IPCEF1: variants seen among roughly 807,000 people sequenced by gnomAD.
IPCEF1 encodes interactor protein for cytohesin exchange factors 1.
Under a neutral mutation model 50.9 loss-of-function variants are expected in IPCEF1, and 31 were observed. The ratio of observed to expected loss-of-function variants is 0.61; its 90% confidence interval spans 0.46 to 0.82. The LOEUF (loss-of-function observed/expected upper bound fraction) is 0.82, where lower values mean the gene tolerates loss of function less well. Among genes scored for constraint, IPCEF1 ranks in the 40% least tolerant of loss-of-function variants. The pLI, the probability that IPCEF1 is intolerant of heterozygous loss-of-function variation, is 0.00. For missense variants in IPCEF1, 458 were observed against 514.0 expected (o/e 0.89, Z 1.05); for synonymous variants, 181 against 192.0 (o/e 0.94, Z 0.47).
chr6:154,266,190 C>T (rs1208799532), intron 2 of IPCEF1, among the ~76,000 whole-genome samples: 1 of 151,914 alleles, frequency 6.6e-6, no homozygotes, highest in Non-Finnish European at 1.5e-5. Context: ...AGTTCAAGAC[C>T]AGCCTGAACA....
chr6:154,322,237 C>T (rs1302511538), intron 1 of IPCEF1, among the ~76,000 whole-genome samples: 1 of 152,184 alleles, frequency 6.6e-6, no homozygotes, highest in Non-Finnish European at 1.5e-5. Context: ...CACCTACAGG[C>T]TGGGCAAGGT....
At chr6:154,305,719 C>A (rs1030398874) in intron 1 of IPCEF1, among the ~76,000 whole-genome samples, 8 of 152,170 alleles carry the variant, frequency 5.3e-5, no homozygotes, top group African/African-American at 1.9e-4. Flanking sequence ...TGGGCACCAT[C>A]CAATCAGCTG....
chr6:154,172,563 G>A (rs1799962140), intron 10 of IPCEF1, among the ~76,000 whole-genome samples: 1 of 152,204 alleles, frequency 6.6e-6, no homozygotes, highest in Non-Finnish European at 1.5e-5. Context: ...AGATTGTCCT[G>A]GGATGCTGGA....
intron 2 of IPCEF1, among the ~76,000 whole-genome samples, chr6:154,281,176 C>T (rs1033117943): frequency 1.0e-4 from 9 of 88,020 alleles, no homozygotes; most frequent in African/African-American, 4.0e-4. Flanking sequence ...CCCGTTCCTA[C>T]TAAAATACAA....
intron 9 of IPCEF1, among the ~76,000 whole-genome samples, chr6:154,203,786 G>C (rs1489204544): frequency 6.6e-6 from 1 of 152,054 alleles, no homozygotes; most frequent in Non-Finnish European, 1.5e-5. Flanking sequence ...ACACATAATT[G>C]GTGACAAATT....
chr6:154,280,295 G>A (rs1260392882), intron 2 of IPCEF1, among the ~76,000 whole-genome samples: 1 of 152,186 alleles, frequency 6.6e-6, no homozygotes, highest in Non-Finnish European at 1.5e-5. Flanking sequence ...GCTGGGCATG[G>A]TATCTCATGC....
At chr6:154,222,617 G>A (rs547922715) in intron 6 of IPCEF1, among the ~76,000 whole-genome samples, 3 of 152,298 alleles carry the variant, frequency 2.0e-5, no homozygotes, top group East Asian at 3.9e-4. Flanking sequence ...TCTTTGGGCT[G>A]TTTCCTTCTC....
At chr6:154,343,929 C>T (rs149031294) in intron 1 of IPCEF1, among the ~76,000 whole-genome samples, 3 of 152,156 alleles carry the variant, frequency 2.0e-5, no homozygotes, top group Non-Finnish European at 4.4e-5. Flanking sequence ...CATGGCCGAC[C>T]TCACATATCC....
chr6:154,201,158 C>G (rs528031351), intron 9 of IPCEF1, among the ~76,000 whole-genome samples: 1 of 152,318 alleles, frequency 6.6e-6, no homozygotes, highest in Non-Finnish European at 1.5e-5. Context: ...CCATGTGGAA[C>G]TGTGAGTCAA....
chr6:154,239,552 G>A (rs1428247144), intron 5 of IPCEF1, among the ~76,000 whole-genome samples: 3 of 152,136 alleles, frequency 2.0e-5, no homozygotes, highest in Non-Finnish European at 4.4e-5. Context: ...CGGTAAACCG[G>A]TCACCTACAG....
At chr6:154,277,463 C>T (rs1782090880) in intron 2 of IPCEF1, among the ~76,000 whole-genome samples, 2 of 152,146 alleles carry the variant, frequency 1.3e-5, no homozygotes, top group Admixed American at 6.5e-5. Context: ...GGAAGAACAC[C>T]TAAGTACAAT....
chr6:154,173,821 A>G (rs1800071521), intron 10 of IPCEF1, among the ~76,000 whole-genome samples: 1 of 152,218 alleles, frequency 6.6e-6, no homozygotes, highest in East Asian at 1.9e-4. Context: ...AATACAGAGA[A>G]CGCCACAAAG....
intron 1 of IPCEF1, among the ~76,000 whole-genome samples, chr6:154,343,395 A>G (rs1041688335): frequency 5.9e-5 from 9 of 152,240 alleles, no homozygotes; most frequent in African/African-American, 2.2e-4. Context: ...ATGTTAAAAG[A>G]TTTAACATCA....
chr6:154,210,332 T>C (rs535217988), intron 9 of IPCEF1, among the ~76,000 whole-genome samples: 1 of 152,206 alleles, frequency 6.6e-6, no homozygotes, highest in Non-Finnish European at 1.5e-5. Flanking sequence ...GGGCACAGTG[T>C]GAGGGAGAAT....
intron 1 of IPCEF1, among the ~76,000 whole-genome samples, chr6:154,328,062 A>T (rs142133655): frequency 1.3e-5 from 2 of 152,240 alleles, no homozygotes; most frequent in East Asian, 3.9e-4. Context: ...GGGGCCTGTC[A>T]GAGGAGGGTG....
chr6:154,291,489 G>A (rs1352993689), intron 1 of IPCEF1, among the ~76,000 whole-genome samples: 1 of 151,804 alleles, frequency 6.6e-6, no homozygotes, highest in African/African-American at 2.4e-5. Flanking sequence ...CACCTAGATG[G>A]CCTTCACCTT....
intron 3 of IPCEF1, among the ~76,000 whole-genome samples, chr6:154,254,563 A>C (rs1781415937): frequency 6.6e-6 from 1 of 152,226 alleles, no homozygotes; most frequent in African/African-American, 2.4e-5. Context: ...TTTGGATTAC[A>C]ATTCCAGATG....
Position 154,186,879 on chromosome 6 carries a change from A to G in IPCEF1, c.910+12789T>C, listed in dbSNP as rs1801416540. Among the ~76,000 whole-genome samples, 3 of 152,168 alleles carry G rather than the reference A, an allele frequency of 2.0e-5. No individual in the cohort carries two copies. The South Asian group carries it at 6.2e-4, about 32-fold the overall frequency. On this transcript the variant is annotated intron_variant, in intron 10 of 11. Transcript: ENST00000367220. ...CCCAGAGCAGCTCTTTTCAAATTTC[A>G]GTGAGATGGCACCGCTCCTCCCTGC...
At chr6:154,331,928 T>A (rs562366943) in intron 1 of IPCEF1, among the ~76,000 whole-genome samples, 2 of 152,230 alleles carry the variant, frequency 1.3e-5, no homozygotes, top group South Asian at 4.2e-4. Context: ...GGCACTTGGT[T>A]TTCTCAAGCT....
Sources: allele counts gnomAD v4.1 joint callset (sites outside exome capture counted in the v4.1 genomes callset), GRCh38; gene constraint gnomAD v4.1.1; transcripts MANE v1.5; gene names NCBI Gene and HGNC (gene_info 2026-07-23, HGNC 2026-07-21).